The following MAPKBP1 variants were observed in gnomAD, a reference collection of about 807,000 sequenced individuals.
The protein encoded by MAPKBP1 is mitogen-activated protein kinase-binding protein 1.
A neutral mutation model predicts 170.5 loss-of-function variants in MAPKBP1; 71 were observed. The observed-to-expected ratio is 0.42, with a 90% CI of 0.34 to 0.51. The LOEUF is 0.51. Ranked by LOEUF, MAPKBP1 falls within the 20% of genes least tolerant of loss-of-function variation. The pLI is 0.06. For missense variants in MAPKBP1, 1,598 were observed against 1,933.0 expected (o/e 0.83, Z 3.25); for synonymous variants, 719 against 757.9 (o/e 0.95, Z 0.84).
At position 41,825,435 on chromosome 15, in the gene MAPKBP1, G is replaced by C. The variant is rs1329183893; in HGVS notation, c.4526G>C (p.Ter1509SerextTer8). 6.2e-7 allele frequency: 1 copy of C among 1,600,284 alleles called. No homozygotes were observed. Among genetic ancestry groups the C allele is most frequent in the Non-Finnish European group, 8.5e-7 (1 of 1,170,272 alleles). ...AVERRMERKL[*>S] Reference sequence around the variant, plus strand: ...GAACGGCGTATGGAACGCAAACTCTGAGTTCTGGAAGCCTGTCCCAAGTGA... The same window carrying C: ...GAACGGCGTATGGAACGCAAACTCTCAGTTCTGGAAGCCTGTCCCAAGTGA... The change falls in exon 31 of 31, where the codon TGA becomes TCA. Residue 1509 changes from the stop codon to serine (S), a stop_lost. Coordinates refer to ENST00000457542, the MANE Select transcript of MAPKBP1 (RefSeq NM_014994.3).
chr15:41,796,469 A>T (rs2064490771), intron 2 of MAPKBP1, among the ~76,000 whole-genome samples: 1 of 152,270 alleles, frequency 6.6e-6, no homozygotes. Flanking sequence ...AGATCCTTTG[A>T]AAGTGGAGCT....
At position 41,810,951 on chromosome 15, in the gene MAPKBP1, T is replaced by C. The variant is rs1457246191; in HGVS notation, c.269+6T>C. ...CACATCCTCAACAGTTCCAGGTAAATGGGCTGGGGTCCTCAGGATACCTCT... is the reference window on the plus strand; with the variant it reads ...CACATCCTCAACAGTTCCAGGTAAACGGGCTGGGGTCCTCAGGATACCTCT... On this transcript the variant is annotated splice_donor_region_variant and intron_variant, in intron 4 of 30. Transcript: ENST00000457542. 6.2e-7 allele frequency: 1 copy of C among 1,614,000 alleles called. No homozygotes were observed. The highest frequency in any genetic ancestry group is 8.5e-7 in the Non-Finnish European group (1 of 1,180,012).
At chr15:41,778,145 A>G (rs2064128166) in intron 2 of MAPKBP1, among the ~76,000 whole-genome samples, 1 of 152,192 alleles carries the variant, frequency 6.6e-6, no homozygotes, top group African/African-American at 2.4e-5. Flanking sequence ...ACCGTTTAGG[A>G]CAGTGTAAGA....
At position 41,818,501 on chromosome 15, in the gene MAPKBP1, A is replaced by G. The variant is rs1415246704; in HGVS notation, c.2093-18A>G. Reference sequence around the variant, plus strand: ...GAATTTAAGGTGGCTTATAGACCGTATTCTTTGTTCTTCACAGAGATTGTC... The same window carrying G: ...GAATTTAAGGTGGCTTATAGACCGTGTTCTTTGTTCTTCACAGAGATTGTC... On this transcript the variant is annotated intron_variant, in intron 18 of 30. Coordinates refer to ENST00000457542, the MANE Select transcript of MAPKBP1 (RefSeq NM_014994.3). This position sits in a 1 kb window ranked among gnomAD's most constrained non-coding sequence, Gnocchi z 5.2. 2 of 1,609,574 alleles carry G rather than the reference A, an allele frequency of 1.2e-6. No homozygotes were observed. Among genetic ancestry groups the G allele is most frequent in the Non-Finnish European group, 8.5e-7 (1 of 1,177,490 alleles).
chr15:41,818,388 A>G lies in MAPKBP1; in HGVS notation c.2092+83A>G, dbSNP rs1176140434. On this transcript the variant is annotated intron_variant, in intron 18 of 30. Coordinates refer to ENST00000457542, the MANE Select transcript of MAPKBP1 (RefSeq NM_014994.3). This position sits in a 1 kb window ranked among gnomAD's most constrained non-coding sequence, Gnocchi z 5.2. ...TCCACCCCTGGAACTTCACTCTTCT[A>G]TTAGTTTCTTGGGACCCGCAGAGCT... 4.2e-6 allele frequency: 6 copies of G among 1,414,362 alleles called. No individual in the cohort carries two copies. Among genetic ancestry groups the G allele is most frequent in the African/African-American group, 2.8e-5 (2 of 70,894 alleles). 87.6% of individuals were successfully genotyped at this position (1,414,362 alleles called of 1,614,324 possible).
Position 41,822,637 on chromosome 15 carries a change from T to C in MAPKBP1, c.3274T>C (p.Ser1092Pro), listed in dbSNP as rs746559688. The C allele has an allele frequency of 6.2e-7, 1 of 1,614,058 alleles. No individual in the cohort carries two copies. Among genetic ancestry groups the C allele is most frequent in the Non-Finnish European group, 8.5e-7 (1 of 1,179,972 alleles). Residue 1092 changes from serine (S) to proline (P), a missense_variant, in exon 27 of 31, where the codon TCT becomes CCT. Physicochemically the swap from Ser to Pro is moderately conservative, Grantham distance 74. Around this residue, in one of 6 missense-constraint regions of MAPKBP1, gnomAD observed 942 missense variants for 953.2 expected, o/e 0.99. Coordinates refer to ENST00000457542, the MANE Select transcript of MAPKBP1 (RefSeq NM_014994.3). ...AGAGAGGTCAGAGTCTCGGAGTATC[T>C]CTTCACGATTCCTGTTGCAAGTACA... ...VPERSESRSI[S>P]SRFLLQVQTR...
Position 41,818,527 on chromosome 15 carries a change from A to G in MAPKBP1, c.2101A>G (p.Thr701Ala), listed in dbSNP as rs568036665. The G allele has an allele frequency of 1.2e-6, 2 of 1,613,036 alleles. No homozygotes were observed. Among genetic ancestry groups the G allele is most frequent in the South Asian group, 1.1e-5 (1 of 90,936 alleles). ...TTCTTTGTTCTTCACAGAGATTGTCACTGGCATGAAATTTAGTAATGATTG... is the reference window on the plus strand; with the variant it reads ...TTCTTTGTTCTTCACAGAGATTGTCGCTGGCATGAAATTTAGTAATGATTG... The part of the protein sequence containing the change: ...ATMFGHSEIV[T>A]GMKFSNDCKH... The change falls in exon 19 of 31, where the codon ACT (threonine) becomes GCT (alanine). Residue 701 changes from threonine (T) to alanine (A), a missense_variant. Physicochemically the swap from Thr to Ala is moderately conservative, Grantham distance 58. This residue lies in a region of MAPKBP1 where 63 missense variants were observed against 115.2 expected (regional missense o/e 0.55). Transcript: ENST00000457542. This position sits in a 1 kb window ranked among gnomAD's most constrained non-coding sequence, Gnocchi z 5.2.
At chr15:41,788,797 G>T (rs1355682507) in intron 2 of MAPKBP1, among the ~76,000 whole-genome samples, 1 of 152,216 alleles carries the variant, frequency 6.6e-6, no homozygotes, top group African/African-American at 2.4e-5. Context: ...AGGAAGGAGT[G>T]ACTGAAAAAG....
chr15:41,813,482 G>C, intron 8 of MAPKBP1, 139 bp from the exon 9 acceptor site: 1 of 1,418,070 alleles, frequency 7.1e-7, no homozygotes, highest in Non-Finnish European at 9.8e-7. Flanking sequence ...GAGGGGCTCA[G>C]AACAGGGCAG....
intron 29 of MAPKBP1, 138 bp downstream of exon 29, chr15:41,824,199 G>A (rs571042525): frequency 7.3e-5 from 89 of 1,213,652 alleles, no homozygotes; most frequent in South Asian, 2.2e-4. Flanking sequence ...TCGCAGGTCC[G>A]TAAGTCACAC....
At chr15:41,809,622 T>C (rs911318720) in intron 3 of MAPKBP1, among the ~76,000 whole-genome samples, 2 of 152,224 alleles carry the variant, frequency 1.3e-5, no homozygotes, top group Non-Finnish European at 2.9e-5. Context: ...TTGTCTGCTA[T>C]TTCCAGTGCT....
chr15:41,816,999 G>A lies in MAPKBP1; in HGVS notation c.1675G>A (p.Glu559Lys). Residue 559 changes from glutamate (E) to lysine (K), a missense_variant, in exon 14 of 31, where the codon GAA (glutamate) becomes AAA (lysine). Glu to Lys is a moderately conservative substitution (Grantham distance 56). Around this residue, in one of 6 missense-constraint regions of MAPKBP1, gnomAD observed 430 missense variants for 617.2 expected, o/e 0.70. Coordinates refer to ENST00000457542, the MANE Select transcript of MAPKBP1 (RefSeq NM_014994.3). ...GTACAGCCTACAGCAGACGCTGGAC[G>A]AACACTCATCCTCCATCACTGCTGT... Reference protein sequence around the residue: ...REYSLQQTLDEHSSSITAVKF... With the variant: ...REYSLQQTLDKHSSSITAVKF... 1.2e-6 allele frequency: 2 copies of A among 1,609,220 alleles called. No individual in the cohort carries two copies. Among genetic ancestry groups the A allele is most frequent in the Non-Finnish European group, 8.5e-7 (1 of 1,176,596 alleles).
chr15:41,823,737 C>G lies in MAPKBP1; in HGVS notation c.3889C>G (p.Pro1297Ala). 1 of 1,614,220 alleles carries G rather than the reference C, an allele frequency of 6.2e-7. No individual in the cohort carries two copies. The highest frequency in any genetic ancestry group is 8.5e-7 in the Non-Finnish European group (1 of 1,180,042). ...RAHLVLDIPK[P>A]LPDRPTLAAF... ...TCACCTGGTCCTGGACATCCCCAAA[C>G]CACTGCCTGACCGTCCTACCCTGGC... Residue 1297 changes from proline to alanine, a missense_variant, in exon 29 of 31, where the codon CCA (proline) becomes GCA (alanine). Transcript: ENST00000457542.
chr15:41,783,542 A>G (rs1427641846), intron 2 of MAPKBP1, among the ~76,000 whole-genome samples: 2 of 152,062 alleles, frequency 1.3e-5, no homozygotes, highest in Non-Finnish European at 2.9e-5. Context: ...TGTTCTTTTT[A>G]TTTCTTATCT....
In MAPKBP1 at chr15:41,774,909, A is replaced by G. The variant is rs1464135286; in HGVS notation, c.-109-258A>G. ...GGCATTAACGGGAACCAGATCGTCC[A>G]CGAGACCAACTGGGGCCCATCCCAT... On this transcript the variant is annotated intron_variant, in intron 1 of 30. Transcript: ENST00000457542. The G allele has an allele frequency of 6.6e-6, 3 of 453,096 alleles. No homozygotes were observed. In the Admixed American group the frequency reaches 1.2e-4, roughly 17 times the overall value. 28.1% of individuals were successfully genotyped at this position (453,096 alleles called of 1,614,324 possible).
intron 30 of MAPKBP1, 111 bp from the exon 31 acceptor site, chr15:41,825,098 T>G (rs998563137): frequency 1.6e-5 from 12 of 748,312 alleles, no homozygotes. Context: ...TCTTGGCGGG[T>G]AGAGTTCCCA....
intron 3 of MAPKBP1, among the ~76,000 whole-genome samples, chr15:41,805,688 A>G (rs147547973): frequency 6.6e-6 from 1 of 152,338 alleles, no homozygotes; most frequent in East Asian, 1.9e-4. Flanking sequence ...GAAGCATTGC[A>G]CTGGGTGTGA....
At chr15:41,786,492 T>C (rs9919992) in intron 2 of MAPKBP1, among the ~76,000 whole-genome samples, 9,444 of 151,928 alleles carry the variant, frequency 0.062, 401 homozygotes, top group Non-Finnish European at 0.092. Flanking sequence ...TAGCCGGGCG[T>C]GGTGGCTCAC....
At chr15:41,805,351 G>T (rs1045338942) in intron 3 of MAPKBP1, among the ~76,000 whole-genome samples, 4 of 152,180 alleles carry the variant, frequency 2.6e-5, no homozygotes, top group South Asian at 2.1e-4. Context: ...AATTGAGTTG[G>T]GCCTTTTCCT....
Sources: gnomAD v4.1 joint callset for allele counts (sites outside exome capture counted in the v4.1 genomes callset) on GRCh38, gnomAD v4.1.1 for gene constraint, gnomAD v4.1.1 regional missense constraint, Gnocchi (gnomAD v3.1) non-coding constraint, MANE v1.5 for transcripts, NCBI Gene and HGNC (gene_info 2026-07-23, HGNC 2026-07-21) for gene names.